KIF27: variants seen among roughly 807,000 people sequenced by gnomAD.
The protein encoded by KIF27 is kinesin family member 27.
Under a neutral mutation model 141.8 loss-of-function variants are expected in KIF27, and 84 were observed. The ratio of observed to expected loss-of-function variants is 0.59; its 90% CI spans 0.50 to 0.71. The LOEUF is 0.71. Ranked by LOEUF, KIF27 falls within the 30% of genes least tolerant of loss-of-function variation. The pLI, the probability that KIF27 is intolerant of heterozygous loss-of-function variation, is 0.00. For missense variants in KIF27, 1,306 were observed against 1,628.4 expected (o/e 0.80, Z 3.41); for synonymous variants, 471 against 569.5 (o/e 0.83, Z 2.46).
At chr9:83,919,660 C>G (rs561553678) in intron 1 of KIF27, among the ~76,000 whole-genome samples, 37 of 150,744 alleles carry the variant, frequency 2.5e-4, no homozygotes, top group African/African-American at 8.8e-4. Context: ...TTTGGGAGGC[C>G]AGGGCGGGTG....
chr9:83,868,085 T>C (rs1950513245), intron 12 of KIF27: 2 of 462,708 alleles, frequency 4.3e-6, no homozygotes, highest in South Asian at 3.9e-5. Flanking sequence ...CCAGATATGT[T>C]AAACAGTCTA....
chr9:83,919,881 A>C (rs1956083553), intron 1 of KIF27, among the ~76,000 whole-genome samples: 1 of 152,046 alleles, frequency 6.6e-6, no homozygotes, highest in African/African-American at 2.4e-5. Context: ...TTTAATGGTA[A>C]TATCTATAAA....
At chr9:83,910,861 G>A (rs1955081655) in intron 2 of KIF27, among the ~76,000 whole-genome samples, 1 of 152,068 alleles carries the variant, frequency 6.6e-6, no homozygotes, top group Admixed American at 6.6e-5. Context: ...TTCTACATCG[G>A]TGTTCACAGC....
Position 83,880,428 on chromosome 9 carries a change from C to T in KIF27, c.2512G>A (p.Ala838Thr), listed in dbSNP as rs1398221802. ...TCTACACTCTGCTCTAGCTCATTAG[C>T]ACGTTTCTCATTTTGGATTGACAGT... ...ASLSIQNEKR[A>T]NELEQSVDHM... The change falls in exon 11 of 18, where the codon GCT (alanine) becomes ACT (threonine). Residue 838 changes from alanine to threonine, a missense_variant. Coordinates refer to ENST00000297814, the MANE Select transcript of KIF27 (RefSeq NM_017576.4). 1 of 1,613,312 alleles carries T rather than the reference C, an allele frequency of 6.2e-7. No individual in the cohort carries two copies. The highest frequency in any genetic ancestry group is 1.3e-5 in the African/African-American group (1 of 74,914).
At chr9:83,865,180 T>C (rs1950257070) in intron 13 of KIF27, among the ~76,000 whole-genome samples, 1 of 152,206 alleles carries the variant, frequency 6.6e-6, no homozygotes, top group African/African-American at 2.4e-5. Flanking sequence ...CTTTCTGGAA[T>C]TCCCATTACT....
chr9:83,841,985 T>C (rs1449535913), intron 17 of KIF27, among the ~76,000 whole-genome samples: 1 of 152,212 alleles, frequency 6.6e-6, no homozygotes, highest in Non-Finnish European at 1.5e-5. Flanking sequence ...AGGGATTAAA[T>C]GAGATAAGGT....
At chr9:83,914,751 T>C (rs1252166083) in intron 2 of KIF27, among the ~76,000 whole-genome samples, 1 of 152,166 alleles carries the variant, frequency 6.6e-6, no homozygotes, top group East Asian at 1.9e-4. Flanking sequence ...GACACTTAAC[T>C]AAAATGATTT....
intron 11 of KIF27, among the ~76,000 whole-genome samples, chr9:83,871,993 C>T (rs1360497874): frequency 2.7e-5 from 4 of 150,838 alleles, no homozygotes; most frequent in African/African-American, 9.7e-5. Flanking sequence ...TGAGCCACCA[C>T]GCCCAGCCTC....
intron 1 of KIF27, among the ~76,000 whole-genome samples, chr9:83,916,453 TAA>T (rs774304622): frequency 1.2e-4 from 19 of 152,338 alleles, no homozygotes; most frequent in Non-Finnish European, 2.5e-4. Flanking sequence ...AGAATTTCAA[TAA>T]GTCAACATAA....
intron 12 of KIF27, among the ~76,000 whole-genome samples, chr9:83,869,422 G>C (rs1160497173): frequency 6.6e-6 from 1 of 152,086 alleles, no homozygotes; most frequent in Non-Finnish European, 1.5e-5. Flanking sequence ...TTTGAATGTA[G>C]AGTTCTGATT....
intron 11 of KIF27, among the ~76,000 whole-genome samples, chr9:83,873,259 GC>G (rs1308606777): frequency 6.6e-6 from 1 of 152,160 alleles, no homozygotes; most frequent in Non-Finnish European, 1.5e-5. Flanking sequence ...ACAATTTCCA[GC>G]TGGTCACAAT....
At chr9:83,898,187 A>G (rs148360604) in intron 5 of KIF27, among the ~76,000 whole-genome samples, 3,718 of 152,304 alleles carry the variant, frequency 0.024, 150 homozygotes, top group African/African-American at 0.086. Context: ...ATCAAACAGT[A>G]GAACAGAAAA....
chr9:83,897,532 G>A (rs1953397112), intron 5 of KIF27, among the ~76,000 whole-genome samples: 2 of 152,012 alleles, frequency 1.3e-5, no homozygotes, highest in Admixed American at 1.3e-4. Context: ...AATATAGAAA[G>A]TATCCTCAGA....
At chr9:83,886,737 CAG>C (rs1172827192) in intron 9 of KIF27, among the ~76,000 whole-genome samples, 1 of 152,080 alleles carries the variant, frequency 6.6e-6, no homozygotes, top group African/African-American at 2.4e-5. Context: ...GCCTAGGTGA[CAG>C]AGTGAGACCC....
intron 1 of KIF27, among the ~76,000 whole-genome samples, chr9:83,918,833 T>G (rs1391039900): frequency 3.9e-5 from 6 of 152,144 alleles, no homozygotes; most frequent in South Asian, 4.1e-4. Flanking sequence ...CCCAGCATTT[T>G]GGGAGGCCGA....
intron 2 of KIF27, among the ~76,000 whole-genome samples, chr9:83,914,304 G>C (rs185532659): frequency 6.6e-6 from 1 of 151,352 alleles, no homozygotes; most frequent in East Asian, 1.9e-4. Flanking sequence ...AAACAATCTA[G>C]TATCTGTGAT....
At chr9:83,902,931 T>A in intron 4 of KIF27, 129 bp downstream of exon 4, 1 of 550,112 alleles carries the variant, frequency 1.8e-6, no homozygotes, top group Non-Finnish European at 3.0e-6. Context: ...CTTGCCCAAA[T>A]AAATTTAGTC....
At chr9:83,901,842 C>G (rs1388678125) in intron 4 of KIF27, among the ~76,000 whole-genome samples, 2 of 151,756 alleles carry the variant, frequency 1.3e-5, no homozygotes, top group Non-Finnish European at 1.5e-5. Context: ...CACCACACTC[C>G]AGCCTGGCGA....
At chr9:83,851,613 C>T (rs537942681) in intron 15 of KIF27, among the ~76,000 whole-genome samples, 17 of 152,312 alleles carry the variant, frequency 1.1e-4, no homozygotes, top group African/African-American at 4.1e-4. Flanking sequence ...GCCTTGGTGT[C>T]CCAAAGCACT....
Sources: gnomAD v4.1 joint callset for allele counts (sites outside exome capture counted in the v4.1 genomes callset) on GRCh38, gnomAD v4.1.1 for gene constraint, MANE v1.5 for transcripts, NCBI Gene and HGNC (gene_info 2026-07-23, HGNC 2026-07-21) for gene names.